Variants in IL23R observed in about 807,000 individuals in gnomAD.
The protein encoded by IL23R is interleukin-23 receptor.
In IL23R, 34 loss-of-function variants were observed where a neutral mutation model predicts 56.9. The observed-to-expected ratio is 0.60, with a 90% CI of 0.45 to 0.80. The LOEUF is 0.80. Ranked by LOEUF, IL23R falls within the 30% of genes least tolerant of loss-of-function variation. IL23R has a pLI of 0.00. For synonymous variants in IL23R, 230 were observed against 249.2 expected (o/e 0.92, Z 0.73); for missense variants, 635 against 730.0 (o/e 0.87, Z 1.50).
At chr1:67,164,580 C>T (rs181726026), upstream of IL23R, among the ~76,000 whole-genome samples, 586 of 151,640 alleles carry the variant, frequency 3.9e-3, 2 homozygotes, top group African/African-American at 8.2e-3. Context: ...TGCAGTGAGC[C>T]GAGATTGTGC....
At chr1:67,256,250 AG>A (rs2100389152) in intron 10 of IL23R, among the ~76,000 whole-genome samples, 1 of 152,308 alleles carries the variant, frequency 6.6e-6, no homozygotes, top group South Asian at 2.1e-4. Flanking sequence ...CAAAGGGAGT[AG>A]GGAAGAAAAG....
At chr1:67,228,200 T>TTCCTTCCTTCCTTCCA in intron 7 of IL23R, among the ~76,000 whole-genome samples, 1 of 143,288 alleles carries the variant, frequency 7.0e-6, no homozygotes. Context: ...CCTTCCTTCC[T>TTCCTTCCTTCCTTCCA]CCCTTCTTTT....
intron 6 of IL23R, among the ~76,000 whole-genome samples, chr1:67,209,333 A>G (rs1405314125): frequency 2.6e-5 from 4 of 152,200 alleles, no homozygotes; most frequent in African/African-American, 9.6e-5. Context: ...TGGAGGGGCC[A>G]GGGATGGAAT....
upstream of IL23R, among the ~76,000 whole-genome samples, chr1:67,138,724 T>G (rs1558212088): frequency 6.6e-6 from 1 of 152,226 alleles, no homozygotes; most frequent in Non-Finnish European, 1.5e-5. Context: ...TGTAACTTAA[T>G]GGGAATTTTC....
intron 6 of IL23R, among the ~76,000 whole-genome samples, chr1:67,210,040 G>A (rs1649347634): frequency 6.6e-6 from 1 of 152,182 alleles, no homozygotes; most frequent in Non-Finnish European, 1.5e-5. Context: ...ATGTATGAAT[G>A]TTTCTTTTTA....
intron 7 of IL23R, among the ~76,000 whole-genome samples, chr1:67,227,941 T>TCTTTCTTTCTTTCTTC (rs1650734363): frequency 6.2e-4 from 2 of 3,222 alleles, no homozygotes; most frequent in African/African-American, 1.2e-3. Flanking sequence ...AGAACAAAGA[T>TCTTTCTTTCTTTCTTC]CTTTCTTTCT....
intron 3 of IL23R, among the ~76,000 whole-genome samples, chr1:67,177,796 T>A (rs1208907092): frequency 6.6e-6 from 1 of 151,246 alleles, no homozygotes; most frequent in Non-Finnish European, 1.5e-5. Flanking sequence ...AATTTTTGTA[T>A]AAGGTGCAAG....
chr1:67,230,366 T>C (rs1651018407), intron 7 of IL23R, among the ~76,000 whole-genome samples: 1 of 152,232 alleles, frequency 6.6e-6, no homozygotes, highest in African/African-American at 2.4e-5. Flanking sequence ...GATTGGAAGA[T>C]GCTATGCCTG....
intron 7 of IL23R, among the ~76,000 whole-genome samples, chr1:67,233,123 T>C (rs1651210207): frequency 7.1e-6 from 1 of 140,212 alleles, no homozygotes; most frequent in Non-Finnish European, 1.5e-5. Flanking sequence ...CTGAAGCAGG[T>C]GGATCACCTG....
upstream of IL23R, among the ~76,000 whole-genome samples, chr1:67,162,001 A>G (rs942877033): frequency 6.6e-6 from 1 of 152,178 alleles, no homozygotes; most frequent in African/African-American, 2.4e-5. Flanking sequence ...TCAAAGACGA[A>G]AAAACTAAGA....
chr1:67,252,294 T>C (rs1361603760), intron 9 of IL23R, among the ~76,000 whole-genome samples: 1 of 152,178 alleles, frequency 6.6e-6, no homozygotes, highest in East Asian at 1.9e-4. Context: ...AAAATCCCTG[T>C]GAATTTCCAA....
intron 7 of IL23R, among the ~76,000 whole-genome samples, chr1:67,222,102 C>CTTTTTTTTTTTTTTTTTTTTT (rs72241835): frequency 6.6e-4 from 39 of 58,898 alleles, no homozygotes; most frequent in South Asian, 2.8e-3. Context: ...TTCTTTCTTT[C>CTTTTTTTTTTTTTTTTTTTTT]TTTTTTTTTT....
At chr1:67,248,906 C>T (rs1396844594) in intron 9 of IL23R, among the ~76,000 whole-genome samples, 4 of 152,256 alleles carry the variant, frequency 2.6e-5, no homozygotes, top group African/African-American at 9.6e-5. Context: ...CTTCTTTTGA[C>T]TAGGAAAGGG....
chr1:67,255,466 G>T (rs1652888293), intron 9 of IL23R, among the ~76,000 whole-genome samples: 1 of 151,886 alleles, frequency 6.6e-6, no homozygotes, highest in Admixed American at 6.6e-5. Flanking sequence ...TTGAGTCAGG[G>T]TCTCACTCTG....
At chr1:67,231,101 T>TGAAAGGTCCA in intron 7 of IL23R, among the ~76,000 whole-genome samples, 1 of 152,314 alleles carries the variant, frequency 6.6e-6, no homozygotes, top group East Asian at 1.9e-4. Context: ...CTAGAACCCC[T>TGAAAGGTCCA]GAAAGGTCCA....
chr1:67,244,384 C>T (rs1570915939), intron 9 of IL23R, among the ~76,000 whole-genome samples: 2 of 152,106 alleles, frequency 1.3e-5, no homozygotes, highest in Non-Finnish European at 2.9e-5. Flanking sequence ...GAACTCTTTG[C>T]CCATGCCTAT....
At chr1:67,147,568 C>T (rs1213240215) in intron 1 of IL23R, among the ~76,000 whole-genome samples, 2 of 151,970 alleles carry the variant, frequency 1.3e-5, no homozygotes, top group African/African-American at 4.8e-5. Context: ...GGCGTGTTGG[C>T]AGGCACCTGT....
At chr1:67,220,123 C>T (rs1024438286) in intron 7 of IL23R, among the ~76,000 whole-genome samples, 5 of 152,232 alleles carry the variant, frequency 3.3e-5, no homozygotes, top group Admixed American at 6.5e-5. Flanking sequence ...AATCCCAGCA[C>T]TTTGGGAGGC....
intron 6 of IL23R, among the ~76,000 whole-genome samples, chr1:67,210,438 C>CT (rs989197756): frequency 1.0e-3 from 150 of 150,426 alleles, no homozygotes; most frequent in African/African-American, 3.3e-3. Context: ...AGTTTCTGGC[C>CT]TTTTTTTTTC....
Sources: gnomAD v4.1 joint callset for allele counts (sites outside exome capture counted in the v4.1 genomes callset) on GRCh38, gnomAD v4.1.1 for gene constraint, MANE v1.5 for transcripts, NCBI Gene and HGNC (gene_info 2026-07-23, HGNC 2026-07-21) for gene names.